The following DISC1 variants were observed in gnomAD, a reference collection of about 807,000 sequenced individuals.
DISC1 encodes the protein disrupted in schizophrenia 1 protein.
In DISC1, 57 loss-of-function variants were observed where a neutral mutation model predicts 84.5. The observed-to-expected ratio is 0.67, with a 90% CI of 0.55 to 0.84. DISC1 has a LOEUF of 0.84. Among genes scored for constraint, DISC1 ranks in the 40% least tolerant of loss-of-function variants. The pLI is 0.00. For synonymous variants in DISC1, 411 were observed against 415.2 expected (o/e 0.99, Z 0.12); for missense variants, 1,000 against 1,057.8 (o/e 0.95, Z 0.76).
chr1:231,669,869 G>A lies in DISC1; in HGVS notation c.68-23957G>A, dbSNP rs143465922. ...CATTTGACCCAACAATTCTATTGTG[G>A]GGTATATACCCAAAGGAATATAAAT... On this transcript the variant is annotated intron_variant, in intron 1 of 12. Coordinates refer to ENST00000439617, the MANE Select transcript of DISC1 (RefSeq NM_018662.3). Among the ~76,000 whole-genome samples the A allele has an allele frequency of 3.4e-4, 51 of 152,066 alleles. 1 individual carries two copies. The East Asian group carries it at 9.6e-3, about 29-fold the overall frequency.
intron 9 of DISC1, chr1:231,866,729 C>G (rs1404176865): frequency 1.5e-6 from 2 of 1,346,520 alleles, no homozygotes; most frequent in Middle Eastern, 2.5e-4. Context: ...CTTCGACTTT[C>G]TAGTCGTCGT....
At chr1:231,759,333 T>C (rs993918605) in intron 4 of DISC1, among the ~76,000 whole-genome samples, 1 of 151,678 alleles carries the variant, frequency 6.6e-6, no homozygotes, top group Non-Finnish European at 1.5e-5. Flanking sequence ...GACCAGAAAA[T>C]AACTGTTACA....
chr1:231,730,008 T>C (rs935817446), intron 3 of DISC1, among the ~76,000 whole-genome samples: 2 of 152,226 alleles, frequency 1.3e-5, no homozygotes, highest in African/African-American at 2.4e-5. Flanking sequence ...AAAACAATTA[T>C]GTCTTAAAAG....
chr1:231,866,790 G>T, intron 9 of DISC1: 1 of 1,116,660 alleles, frequency 9.0e-7, no homozygotes, highest in Non-Finnish European at 1.2e-6. Flanking sequence ...TAATTAATCT[G>T]TAATTAAAGT....
chr1:231,773,542 A>G (rs1304609320), intron 6 of DISC1, among the ~76,000 whole-genome samples: 2 of 151,750 alleles, frequency 1.3e-5, no homozygotes, highest in East Asian at 2.0e-4. Flanking sequence ...GTGCCAGCAC[A>G]CCCAGCTAAT....
intron 9 of DISC1, among the ~76,000 whole-genome samples, chr1:231,833,463 T>C (rs916603640): frequency 2.0e-5 from 3 of 151,692 alleles, no homozygotes; most frequent in African/African-American, 7.3e-5. Context: ...GATTTGGCAG[T>C]GTCAGTCTTC....
intron 8 of DISC1, 111 bp from the exon 9 acceptor site, chr1:231,818,218 T>C: frequency 9.3e-7 from 1 of 1,076,580 alleles, no homozygotes; most frequent in Non-Finnish European, 1.4e-6. Flanking sequence ...AATCTCAAAG[T>C]GCAGTTTCTT....
intron 3 of DISC1, among the ~76,000 whole-genome samples, chr1:231,715,759 T>C (rs1215965450): frequency 6.6e-6 from 1 of 152,208 alleles, no homozygotes; most frequent in Non-Finnish European, 1.5e-5. Flanking sequence ...CTTCATGAGC[T>C]GTGAAAAATT....
intron 9 of DISC1, among the ~76,000 whole-genome samples, chr1:231,822,784 G>T (rs2081589937): frequency 1.3e-5 from 2 of 152,156 alleles, no homozygotes; most frequent in Admixed American, 6.5e-5. Flanking sequence ...AGGGCCTCAG[G>T]CTGCTTCCAC....
chr1:231,640,854 C>T (rs371299242), intron 1 of DISC1, among the ~76,000 whole-genome samples: 1 of 152,128 alleles, frequency 6.6e-6, no homozygotes, highest in Non-Finnish European at 1.5e-5. Flanking sequence ...GTTTTTGATC[C>T]TTGGTCTGAC....
chr1:232,026,497 G>T lies in DISC1; in HGVS notation c.2370G>T (p.Leu790Phe), dbSNP rs200687715. 6.2e-7 allele frequency: 1 copy of T among 1,608,518 alleles called. No homozygotes were observed. Among genetic ancestry groups the T allele is most frequent in the Non-Finnish European group, 8.5e-7 (1 of 1,177,384 alleles). The change falls in exon 12 of 13, where the codon TTG becomes TTT. Residue 790 changes from leucine (L) to phenylalanine (F), a missense_variant. Leu to Phe is a conservative substitution (Grantham distance 22, BLOSUM62 0). Transcript: ENST00000439617. ...GTGAAGACATAGGCAAGAAGCTATT[G>T]TACTTGGAAGATCAACTTCACACAG... ...EKCEDIGKKL[L>F]YLEDQLHTAI... is the part of the protein sequence containing the mutation.
At chr1:231,634,974 G>A (rs1342595063) in intron 1 of DISC1, among the ~76,000 whole-genome samples, 1 of 152,176 alleles carries the variant, frequency 6.6e-6, no homozygotes, top group South Asian at 2.1e-4. Context: ...TTGTTCTCAA[G>A]GGCCATCCAG....
At chr1:231,969,598 C>CTT (rs59866510) in intron 10 of DISC1, among the ~76,000 whole-genome samples, 11 of 126,358 alleles carry the variant, frequency 8.7e-5, no homozygotes, top group East Asian at 2.2e-4. Context: ...TTCTTTCTTT[C>CTT]TTTTTTTTTT....
At chr1:231,834,104 C>G (rs560189751) in intron 9 of DISC1, among the ~76,000 whole-genome samples, 2 of 152,264 alleles carry the variant, frequency 1.3e-5, no homozygotes, top group South Asian at 4.1e-4. Flanking sequence ...GGAGCATTAA[C>G]CTTGACTATG....
At chr1:231,854,718 CTTTTT>C (rs11331915) in intron 9 of DISC1, 27 of 123,926 alleles carry the variant, frequency 2.2e-4, no homozygotes, top group South Asian at 8.5e-4. Flanking sequence ...TAAAATAATT[CTTTTT>C]TTTTTTTTTT....
intron 1 of DISC1, among the ~76,000 whole-genome samples, chr1:231,654,280 C>G (rs750330338): frequency 3.3e-5 from 5 of 151,596 alleles, no homozygotes; most frequent in Non-Finnish European, 5.9e-5. Flanking sequence ...TTTCTTTGGC[C>G]ATACATTTAT....
chr1:231,989,456 G>A (rs1423379114), intron 10 of DISC1, among the ~76,000 whole-genome samples: 3 of 152,234 alleles, frequency 2.0e-5, no homozygotes, highest in Non-Finnish European at 4.4e-5. Flanking sequence ...ACCTTGAAGA[G>A]TCCTTGCTCT....
At chr1:231,980,766 G>C (rs2102867542) in intron 10 of DISC1, among the ~76,000 whole-genome samples, 1 of 152,264 alleles carries the variant, frequency 6.6e-6, no homozygotes, top group Non-Finnish European at 1.5e-5. Flanking sequence ...GATGGGGACT[G>C]ACACCATTTA....
chr1:232,012,745 A>G (rs954050427), intron 11 of DISC1, among the ~76,000 whole-genome samples: 1 of 152,176 alleles, frequency 6.6e-6, no homozygotes, highest in African/African-American at 2.4e-5. Context: ...TTGTTATCAC[A>G]AGGGCTTTGT....
Sources: gnomAD v4.1 joint callset for allele counts (sites outside exome capture counted in the v4.1 genomes callset) on GRCh38, gnomAD v4.1.1 for gene constraint, MANE v1.5 for transcripts, NCBI Gene and HGNC (gene_info 2026-07-23, HGNC 2026-07-21) for gene names.